SORCS1: variants seen among roughly 807,000 people sequenced by gnomAD.
The protein encoded by SORCS1 is VPS10 domain-containing receptor SorCS1.
Under a neutral mutation model 146.1 loss-of-function variants are expected in SORCS1, and 60 were observed. The ratio of observed to expected loss-of-function variants is 0.41; its 90% confidence interval spans 0.33 to 0.51. SORCS1 has a LOEUF of 0.51. Ranked by LOEUF, SORCS1 falls within the 20% of genes least tolerant of loss-of-function variation. The pLI, the probability that SORCS1 is intolerant of heterozygous loss-of-function variation, is 0.21. For missense variants in SORCS1, 1,352 were observed against 1,487.6 expected (o/e 0.91, Z 1.50); for synonymous variants, 637 against 584.0 (o/e 1.09, Z -1.31).
intron 5 of SORCS1, among the ~76,000 whole-genome samples, chr10:106,745,857 A>G (rs1162168403): frequency 6.6e-6 from 1 of 152,234 alleles, no homozygotes; most frequent in African/African-American, 2.4e-5. Flanking sequence ...AGTTAACATC[A>G]TCAGTAATAA....
intron 3 of SORCS1, among the ~76,000 whole-genome samples, chr10:106,783,212 A>G (rs1352764901): frequency 1.3e-5 from 2 of 152,206 alleles, no homozygotes; most frequent in African/African-American, 4.8e-5. Flanking sequence ...GCTCCCTGCT[A>G]AAGCTTTAAA....
intron 2 of SORCS1, among the ~76,000 whole-genome samples, chr10:106,937,137 G>A (rs1953762481): frequency 6.6e-6 from 1 of 150,614 alleles, no homozygotes; most frequent in Non-Finnish European, 1.5e-5. Flanking sequence ...TTCCCATGCT[G>A]TTCTTGTTAT....
At chr10:106,801,492 G>A (rs61867313) in intron 3 of SORCS1, among the ~76,000 whole-genome samples, 4,071 of 149,856 alleles carry the variant, frequency 0.027, 66 homozygotes, top group East Asian at 0.055. Flanking sequence ...GTAAACCCAC[G>A]AATTTATTGG....
intron 5 of SORCS1, among the ~76,000 whole-genome samples, chr10:106,752,199 A>C (rs1020850784): frequency 6.6e-6 from 1 of 152,182 alleles, no homozygotes; most frequent in East Asian, 1.9e-4. Flanking sequence ...AATCTGGTAC[A>C]TGGTATGATA....
Position 106,640,054 on chromosome 10 carries a change from C to T in SORCS1, c.2476-10666G>A, listed in dbSNP as rs1221592546. Among the ~76,000 whole-genome samples, 12 of 152,154 alleles carry T rather than the reference C, an allele frequency of 7.9e-5. No individual in the cohort carries two copies. The East Asian group carries it at 2.3e-3, about 29-fold the overall frequency. On this transcript the variant is annotated intron_variant, in intron 18 of 25. Coordinates refer to ENST00000263054, the MANE Select transcript of SORCS1 (RefSeq NM_052918.5). ...AAAAAGAAACTGATGCCTGCCTCAA[C>T]ATAACACTGTTTATTAACCCTTTGT...
intron 5 of SORCS1, among the ~76,000 whole-genome samples, chr10:106,752,491 T>A (rs1274612615): frequency 6.6e-6 from 1 of 152,200 alleles, no homozygotes; most frequent in Non-Finnish European, 1.5e-5. Context: ...ATCCATAGAC[T>A]TACTAGTGCT....
chr10:107,015,363 A>G (rs975885104), intron 1 of SORCS1, among the ~76,000 whole-genome samples: 1 of 152,184 alleles, frequency 6.6e-6, no homozygotes, highest in Non-Finnish European at 1.5e-5. Flanking sequence ...CAAATAGAGC[A>G]GGGCAAGGAG....
intron 1 of SORCS1, among the ~76,000 whole-genome samples, chr10:107,020,962 CTTTT>C (rs914271679): frequency 6.6e-5 from 10 of 150,922 alleles, no homozygotes; most frequent in Non-Finnish European, 1.3e-4. Flanking sequence ...ACTTTCTCCA[CTTTT>C]TTTTTAATAA....
intron 3 of SORCS1, among the ~76,000 whole-genome samples, chr10:106,814,870 G>A (rs938213376): frequency 1.6e-5 from 2 of 128,756 alleles, no homozygotes; most frequent in Non-Finnish European, 3.1e-5. Context: ...AGCCCAGATC[G>A]CGCCACTGCT....
chr10:106,573,949 AAAC>A lies in SORCS1; in HGVS notation c.*3468_*3470del. ...TAATAAATATGATTGTAAAAGCAAT[AAAC>A]AAGAGCAATTATACATTACACTACA... On this transcript the variant is annotated 3_prime_UTR_variant, in exon 26 of 26. Coordinates refer to ENST00000263054, the MANE Select transcript of SORCS1 (RefSeq NM_052918.5). The A allele has an allele frequency of 6.5e-6, 1 of 152,768 alleles. No individual in the cohort carries two copies. The highest frequency in any genetic ancestry group is 3.4e-3 in the Middle Eastern group (1 of 294). The allele number at this position is 152,768 out of a possible 1,614,324, so 9.5% of individuals were successfully genotyped here. A position where few individuals can be genotyped will look rare whatever the true frequency, so the allele number is the denominator to read the frequency against.
At position 106,579,467 on chromosome 10, in the gene SORCS1, CA is replaced by C. The variant is rs1373116495; in HGVS notation, c.3272del (p.Leu1091ArgfsTer14). ...VHAAHLTAAP[L>X]VDLTPTHSGS... ...CACTGTGGGTTGGAGTGAGGTCCAC[CA>C]GGGGGGCTTGTGGGGGAAACAGAGC... On this transcript the variant is annotated frameshift_variant, in exon 25 of 26. Transcript: ENST00000263054. LOFTEE classifies it high-confidence loss of function. 6.2e-7 allele frequency: 1 copy of C among 1,613,532 alleles called. No individual in the cohort carries two copies. The highest frequency in any genetic ancestry group is 1.3e-5 in the African/African-American group (1 of 74,802).
At chr10:106,883,252 G>A (rs879487040) in intron 2 of SORCS1, among the ~76,000 whole-genome samples, 1 of 152,118 alleles carries the variant, frequency 6.6e-6, no homozygotes, top group Non-Finnish European at 1.5e-5. Context: ...TGAATGACGG[G>A]TGAGGTTTAT....
chr10:106,590,520 T>C (rs1364610450), intron 24 of SORCS1, among the ~76,000 whole-genome samples: 1 of 152,212 alleles, frequency 6.6e-6, no homozygotes, highest in East Asian at 1.9e-4. Context: ...ATTGGCACTT[T>C]AGGGATATTT....
At chr10:107,069,436 T>C (rs1962225332) in intron 1 of SORCS1, among the ~76,000 whole-genome samples, 1 of 152,090 alleles carries the variant, frequency 6.6e-6, no homozygotes, top group African/African-American at 2.4e-5. Flanking sequence ...AGTGCAGTAG[T>C]GCCATGTCGG....
chr10:107,055,158 GA>G (rs1960488365), intron 1 of SORCS1, among the ~76,000 whole-genome samples: 1 of 152,166 alleles, frequency 6.6e-6, no homozygotes, highest in Non-Finnish European at 1.5e-5. Context: ...GAGAAGCCTT[GA>G]AGAGCACACC....
chr10:107,017,681 C>T (rs989804786), intron 1 of SORCS1, among the ~76,000 whole-genome samples: 5 of 152,074 alleles, frequency 3.3e-5, no homozygotes, highest in Non-Finnish European at 7.3e-5. Context: ...TTTGAGACAG[C>T]GTCTCACTCT....
intron 1 of SORCS1, among the ~76,000 whole-genome samples, chr10:107,055,239 C>T (rs1369594747): frequency 2.0e-5 from 3 of 152,126 alleles, no homozygotes; most frequent in Non-Finnish European, 2.9e-5. Context: ...TGTTACTTTC[C>T]GTGTTCTAAA....
rs1016801581 is a variant in SORCS1 at position 106,679,203 on chromosome 10, G to A, written c.1740+53C>T. 5.5e-6 allele frequency: 8 copies of A among 1,452,164 alleles called. 1 individual carries two copies. Among genetic ancestry groups the A allele is most frequent in the East Asian group, 4.6e-5 (2 of 43,670 alleles). The allele number at this position is 1,452,164 out of a possible 1,614,324, so 90.0% of individuals were successfully genotyped here. A position where few individuals can be genotyped will look rare whatever the true frequency, so the allele number is the denominator to read the frequency against. ...AGTTCCCAGATTTGAACCAAGCTGGGCAATTTTTATGTTACTTAAACTTCA... is the reference window on the plus strand; with the variant it reads ...AGTTCCCAGATTTGAACCAAGCTGGACAATTTTTATGTTACTTAAACTTCA... On this transcript the variant is annotated intron_variant, in intron 12 of 25. Transcript: ENST00000263054.
At chr10:106,858,148 C>A (rs574975313) in intron 2 of SORCS1, among the ~76,000 whole-genome samples, 90 of 152,252 alleles carry the variant, frequency 5.9e-4, no homozygotes, top group African/African-American at 2.1e-3. Flanking sequence ...TGTCATGTAT[C>A]ACAGAATTTT....
Sources: allele counts gnomAD v4.1 joint callset (sites outside exome capture counted in the v4.1 genomes callset), GRCh38; gene constraint gnomAD v4.1.1; transcripts MANE v1.5; gene names NCBI Gene and HGNC (gene_info 2026-07-23, HGNC 2026-07-21).